COL20A1: variants seen among roughly 807,000 people sequenced by gnomAD.
The protein encoded by COL20A1 is collagen type XX alpha 1 chain, also known as collagen alpha-1(XX) chain.
A neutral mutation model predicts 152.9 loss-of-function variants in COL20A1; 164 were observed. The ratio of observed to expected loss-of-function variants is 1.07; its 90% CI spans 0.94 to 1.22. COL20A1 has a LOEUF of 1.22. Ranked by LOEUF, COL20A1 falls within the 50% of genes most tolerant of loss-of-function variation. The pLI, the probability that COL20A1 is intolerant of heterozygous loss-of-function variation, is 0.00. For synonymous variants in COL20A1, 864 were observed against 756.0 expected (o/e 1.14, Z -2.34); for missense variants, 1,873 against 1,744.8 (o/e 1.07, Z -1.31).
intron 30 of COL20A1, among the ~76,000 whole-genome samples, chr20:63,326,503 C>CTGG (rs2123434302): frequency 6.6e-6 from 1 of 152,194 alleles, no homozygotes; most frequent in South Asian, 2.1e-4. Context: ...GAGCAGCTGG[C>CTGG]ACAGCTGGGG....
intron 25 of COL20A1, 65 bp downstream of exon 25, chr20:63,320,433 A>G (rs1316501785): frequency 6.0e-6 from 9 of 1,500,362 alleles, no homozygotes; most frequent in South Asian, 1.1e-5. Context: ...TGAGGGTCAC[A>G]GTGCCTGGGG....
intron 25 of COL20A1, 123 bp downstream of exon 25, chr20:63,320,491 G>A (rs965067513): frequency 1.0e-6 from 1 of 958,426 alleles, no homozygotes; most frequent in Admixed American, 2.0e-5. Flanking sequence ...GATCAGGGAA[G>A]GCTTTCAGAG....
At chr20:63,328,187 T>C in intron 33 of COL20A1, 60 bp downstream of exon 33, 1 of 1,597,534 alleles carries the variant, frequency 6.3e-7, no homozygotes, top group South Asian at 1.1e-5. Flanking sequence ...CTACCACACC[T>C]GTCTGTCCTC....
chr20:63,296,742 C>T (rs2067798827), intron 2 of COL20A1, among the ~76,000 whole-genome samples: 3 of 152,182 alleles, frequency 2.0e-5, no homozygotes. Flanking sequence ...AGAGCCCCCT[C>T]CTCATCCCCC....
At position 63,309,386 on chromosome 20, in the gene COL20A1, G is replaced by T. The variant is rs1419886474; in HGVS notation, c.994G>T (p.Asp332Tyr). 1.3e-6 allele frequency: 2 copies of T among 1,554,040 alleles called. No homozygotes were observed. Among genetic ancestry groups the T allele is most frequent in the Non-Finnish European group, 8.7e-7 (1 of 1,146,638 alleles). Residue 332 changes from aspartate to tyrosine, a missense_variant, in exon 9 of 36, where the codon GAC becomes TAC. Transcript: ENST00000358894. ...ELRLLASPPRDITVHSVLDFL... is the reference protein window; with the variant it reads ...ELRLLASPPRYITVHSVLDFL... ...GAGGCTCCTGGCGTCCCCGCCGAGG[G>T]ACATCACCGTCCACAGCGTGCTGGA...
chr20:63,325,642 T>G (rs2068235026), intron 28 of COL20A1, 26 bp from the exon 29 acceptor site: 2 of 1,598,290 alleles, frequency 1.3e-6, no homozygotes, highest in Admixed American at 3.5e-5. Context: ...GGCCCCTGCC[T>G]GGCCGGCCCC....
chr20:63,306,276 G>A lies in COL20A1; in HGVS notation c.496+237G>A, dbSNP rs551102082. 3.1e-3 allele frequency among the ~76,000 whole-genome samples: 254 copies of A among 83,130 alleles called. 1 individual carries two copies. The highest frequency in any genetic ancestry group is 4.2e-3 in the Admixed American group (38 of 9,122). The allele number at this position is 83,130 out of a possible 152,430, so 54.5% of individuals were successfully genotyped here. On this transcript the variant is annotated intron_variant, in intron 5 of 35. Coordinates refer to ENST00000358894, the MANE Select transcript of COL20A1 (RefSeq NM_020882.4). The surrounding 1 kb of genome is among the most constrained non-coding windows in gnomAD (Gnocchi z 6.9). The stretch of plus-strand genomic sequence containing the variant: ...CCACGAGGCCGGGAAGTTCTTCCTC[G>A]TGTCTGACCACACGGTCTCTGACCA...
In COL20A1 at chr20:63,302,483, G is replaced by GC. The variant is rs1368223623; in HGVS notation, c.194-2933dup. 2.0e-5 allele frequency among the ~76,000 whole-genome samples: 3 copies of GC among 152,284 alleles called. No homozygotes were observed. In the East Asian group the frequency reaches 5.8e-4, roughly 29 times the overall value. On this transcript the variant is annotated intron_variant, in intron 3 of 35. Coordinates refer to ENST00000358894, the MANE Select transcript of COL20A1 (RefSeq NM_020882.4). ...TTACAGGCACGTGCCACCACGCCCA[G>GC]CTAATTTTTGTACTTTTAGTAGAGA...
In COL20A1 at chr20:63,306,916, C is replaced by T. The variant is rs1003347740; in HGVS notation, c.497-574C>T. 1.3e-5 allele frequency among the ~76,000 whole-genome samples: 2 copies of T among 152,222 alleles called. No individual in the cohort carries two copies. The highest frequency in any genetic ancestry group is 2.9e-5 in the Non-Finnish European group (2 of 68,014). On this transcript the variant is annotated intron_variant, in intron 5 of 35. Coordinates refer to ENST00000358894, the MANE Select transcript of COL20A1 (RefSeq NM_020882.4). This position sits in a 1 kb window ranked among gnomAD's most constrained non-coding sequence, Gnocchi z 6.9. The stretch of plus-strand genomic sequence containing the variant: ...CTCTGCTGGGTCCCCTGGACTTGGG[C>T]TCCCCCAGGGGAGTGTCCCCACCCA...
chr20:63,313,134 C>T lies in COL20A1; in HGVS notation c.2094C>T (p.Asn698=). 3 of 1,610,280 alleles carry T rather than the reference C, an allele frequency of 1.9e-6. No homozygotes were observed. Among genetic ancestry groups the T allele is most frequent in the Non-Finnish European group, 2.5e-6 (3 of 1,178,874 alleles). ...CTCCCTAGATCTCTGTCCCAGGGAA[C>T]CTCGGCACGGCCGTCCTGCCTGGCC... The part of the protein sequence containing the change: ...GKAHEISVPG[N]LGTAVLPGLG... The change falls in exon 17 of 36, where the codon AAC becomes AAT. Residue 698 remains asparagine, a synonymous_variant. Transcript: ENST00000358894. The surrounding 1 kb of genome is among the most constrained non-coding windows in gnomAD (Gnocchi z 5.9).
chr20:63,305,624 C>T lies in COL20A1; in HGVS notation c.337+64C>T. On this transcript the variant is annotated intron_variant, in intron 4 of 35. Coordinates refer to ENST00000358894, the MANE Select transcript of COL20A1 (RefSeq NM_020882.4). The surrounding 1 kb of genome is among the most constrained non-coding windows in gnomAD (Gnocchi z 4.9). ...AGGCCGGGTCCCACCCTCCTCTGGG[C>T]TGGGGTCCCACCCTCCTCCAGGCTG... The T allele has an allele frequency of 2.0e-6, 3 of 1,495,820 alleles. No homozygotes were observed. The highest frequency in any genetic ancestry group is 1.8e-6 in the Non-Finnish European group (2 of 1,115,142). 92.7% of individuals were successfully genotyped at this position (1,495,820 alleles called of 1,614,324 possible). A position where few individuals can be genotyped will look rare whatever the true frequency, so the allele number is the denominator to read the frequency against.
At chr20:63,330,671 T>C (rs1223163050) in intron 35 of COL20A1, 49 bp from the exon 36 acceptor site, 1 of 152,240 alleles carries the variant, frequency 6.6e-6, no homozygotes, top group Non-Finnish European at 1.5e-5. Flanking sequence ...TGAGCCGGTG[T>C]CCAGCTGTCT....
At chr20:63,315,645 A>G (rs1277528740) in intron 20 of COL20A1, among the ~76,000 whole-genome samples, 1 of 152,154 alleles carries the variant, frequency 6.6e-6, no homozygotes, top group Non-Finnish European at 1.5e-5. Flanking sequence ...AAGGTTATGT[A>G]AGGTCAGGGC....
intron 10 of COL20A1, 61 bp downstream of exon 10, chr20:63,309,976 A>G: frequency 7.1e-7 from 1 of 1,412,008 alleles, no homozygotes; most frequent in Middle Eastern, 1.9e-4. Flanking sequence ...AGATCTGATA[A>G]GCCAAAGGGA....
chr20:63,326,044 G>A, intron 29 of COL20A1, 52 bp from the exon 30 acceptor site: 4 of 1,521,036 alleles, frequency 2.6e-6, no homozygotes, highest in Non-Finnish European at 3.6e-6. Context: ...ACCATGGGAG[G>A]GCTGGGTACA....
chr20:63,325,523 G>A (rs755663176), intron 28 of COL20A1, 29 bp downstream of exon 28: 6 of 1,600,120 alleles, frequency 3.7e-6, no homozygotes, highest in Non-Finnish European at 4.3e-6. Context: ...GGGGGCCACA[G>A]GGGTTGGTGG....
intron 19 of COL20A1, among the ~76,000 whole-genome samples, 169 bp from the exon 20 acceptor site, chr20:63,315,235 G>A (rs553445125): frequency 1.1e-4 from 17 of 152,388 alleles, no homozygotes; most frequent in South Asian, 4.1e-4. Context: ...TCTGGGAGGC[G>A]TGGGGACCAC....
chr20:63,299,051 C>G (rs959437956), intron 3 of COL20A1, among the ~76,000 whole-genome samples: 2 of 152,202 alleles, frequency 1.3e-5, no homozygotes, highest in African/African-American at 2.4e-5. Flanking sequence ...ATGTCTGTGT[C>G]TTTGGTGGGC....
Position 63,311,250 on chromosome 20 carries a change from G to A in COL20A1, c.1394-144G>A, listed in dbSNP as rs966310886. The A allele has an allele frequency of 4.3e-6, 4 of 930,250 alleles. No homozygotes were observed. Among genetic ancestry groups the A allele is most frequent in the African/African-American group, 3.3e-5 (2 of 59,990 alleles). 57.6% of individuals were successfully genotyped at this position (930,250 alleles called of 1,614,324 possible). ...CTGGAGCCACAAACCTTGGCCCAAGGTGAAGCCTGGGAAGTGCCACTTTGA... is the reference window on the plus strand; with the variant it reads ...CTGGAGCCACAAACCTTGGCCCAAGATGAAGCCTGGGAAGTGCCACTTTGA... On this transcript the variant is annotated intron_variant, in intron 11 of 35. Transcript: ENST00000358894. This position sits in a 1 kb window ranked among gnomAD's most constrained non-coding sequence, Gnocchi z 4.4.
Sources: gnomAD v4.1 joint callset for allele counts (sites outside exome capture counted in the v4.1 genomes callset) on GRCh38, gnomAD v4.1.1 for gene constraint, Gnocchi (gnomAD v3.1) non-coding constraint, MANE v1.5 for transcripts, NCBI Gene and HGNC (gene_info 2026-07-23, HGNC 2026-07-21) for gene names.